The following THSD7A variants were observed in gnomAD, a reference collection of about 807,000 sequenced individuals.
THSD7A encodes the protein thrombospondin type-1 domain-containing protein 7A.
A neutral mutation model predicts 231.3 loss-of-function variants in THSD7A; 96 were observed. That is an observed-to-expected ratio of 0.41 (90% confidence interval 0.35 to 0.49). The LOEUF (loss-of-function observed/expected upper bound fraction) is 0.49, where lower values mean the gene tolerates loss of function less well. THSD7A is among the 20% of genes least tolerant of loss of function. THSD7A has a pLI of 0.05. For missense variants in THSD7A, 2,290 were observed against 2,070.2 expected (o/e 1.11, Z -2.06); for synonymous variants, 940 against 743.3 (o/e 1.26, Z -4.30).
At chr7:11,690,809 C>T (rs1780209090) in intron 1 of THSD7A, among the ~76,000 whole-genome samples, 2 of 151,654 alleles carry the variant, frequency 1.3e-5, no homozygotes. Flanking sequence ...TGATTGTGTT[C>T]AAGTGGTAGG....
chr7:11,649,233 C>T (rs1342996631), intron 1 of THSD7A, among the ~76,000 whole-genome samples: 1 of 151,948 alleles, frequency 6.6e-6, no homozygotes. Context: ...ATGTGAGTGA[C>T]CCATGATCTT....
intron 1 of THSD7A, among the ~76,000 whole-genome samples, chr7:11,647,979 T>C (rs113932674): frequency 4.6e-5 from 7 of 152,236 alleles, no homozygotes; most frequent in African/African-American, 1.7e-4. Context: ...CTGCCTCTAA[T>C]GCAGATGCTG....
intron 1 of THSD7A, among the ~76,000 whole-genome samples, chr7:11,792,098 C>G (rs1436751605): frequency 1.3e-5 from 2 of 151,984 alleles, no homozygotes; most frequent in Non-Finnish European, 2.9e-5. Context: ...GGAACTGTCT[C>G]TTCCTCTCCC....
At position 11,657,372 on chromosome 7, in the gene THSD7A, C is replaced by T. The variant is rs146424163; in HGVS notation, c.191-20411G>A. Reference sequence around the variant, plus strand: ...GAATAGGGAAGGATATAAACAAAAACAGCAAGTACGGGCTGTGTAAATAGG... The same window carrying T: ...GAATAGGGAAGGATATAAACAAAAATAGCAAGTACGGGCTGTGTAAATAGG... On this transcript the variant is annotated intron_variant, in intron 1 of 27. Coordinates refer to ENST00000423059, the MANE Select transcript of THSD7A (RefSeq NM_015204.3). Among the ~76,000 whole-genome samples, 606 of 151,862 alleles carry T rather than the reference C, an allele frequency of 4.0e-3. 1 individual carries two copies. Among genetic ancestry groups the T allele is most frequent in the Non-Finnish European group, 7.4e-3 (502 of 67,818 alleles).
At chr7:11,818,424 A>T (rs1387989181) in intron 1 of THSD7A, among the ~76,000 whole-genome samples, 1 of 152,188 alleles carries the variant, frequency 6.6e-6, no homozygotes, top group Non-Finnish European at 1.5e-5. Context: ...CTTCTGGGTC[A>T]TTGTTTACCT....
chr7:11,421,573 A>G (rs944911175), intron 16 of THSD7A, among the ~76,000 whole-genome samples: 2 of 152,188 alleles, frequency 1.3e-5, no homozygotes, highest in Non-Finnish European at 2.9e-5. Flanking sequence ...TTTGTTTTAC[A>G]AGTAATATAC....
At chr7:11,427,168 C>T (rs1428409659) in intron 14 of THSD7A, among the ~76,000 whole-genome samples, 1 of 152,168 alleles carries the variant, frequency 6.6e-6, no homozygotes, top group Non-Finnish European at 1.5e-5. Flanking sequence ...CAAGCCAATG[C>T]TTCTGATTAT....
At chr7:11,815,674 C>T (rs905196912) in intron 1 of THSD7A, among the ~76,000 whole-genome samples, 2 of 152,056 alleles carry the variant, frequency 1.3e-5, no homozygotes, top group South Asian at 4.1e-4. Context: ...GATGAACAAT[C>T]ATATAAAACT....
chr7:11,404,392 A>G (rs565929861), intron 22 of THSD7A, among the ~76,000 whole-genome samples: 3 of 152,312 alleles, frequency 2.0e-5, no homozygotes, highest in African/African-American at 4.8e-5. Context: ...GTTCTGCTCA[A>G]TGGTGTGAAT....
intron 1 of THSD7A, among the ~76,000 whole-genome samples, chr7:11,759,663 C>G (rs1039015266): frequency 6.6e-6 from 1 of 151,954 alleles, no homozygotes; most frequent in Non-Finnish European, 1.5e-5. Context: ...TACACACACA[C>G]GATTACCTAA....
chr7:11,437,579 G>GA (rs1562608720), intron 13 of THSD7A, among the ~76,000 whole-genome samples: 1 of 152,038 alleles, frequency 6.6e-6, no homozygotes, highest in Non-Finnish European at 1.5e-5. Context: ...ATGAGACACT[G>GA]AAAATCTGAA....
chr7:11,590,504 T>A lies in THSD7A; in HGVS notation c.1409A>T (p.Asn470Ile). The A allele has an allele frequency of 6.2e-7, 1 of 1,613,154 alleles. No individual in the cohort carries two copies. Among genetic ancestry groups the A allele is most frequent in the Non-Finnish European group, 8.5e-7 (1 of 1,179,636 alleles). The change falls in exon 4 of 28, where the codon AAC becomes ATC. Residue 470 changes from asparagine (N) to isoleucine (I), a missense_variant. Physicochemically the swap from Asn to Ile is moderately radical, Grantham distance 149 (BLOSUM62 -3). Coordinates refer to ENST00000423059, the MANE Select transcript of THSD7A (RefSeq NM_015204.3). This position sits in a 1 kb window ranked among gnomAD's most constrained non-coding sequence, Gnocchi z 4.4. Reference sequence around the variant, plus strand: ...ACTTAATTGTGAGAGGAGGTTTTCGTTGGCCTGCACGCAGTACACCTCTCG... The same window carrying A: ...ACTTAATTGTGAGAGGAGGTTTTCGATGGCCTGCACGCAGTACACCTCTCG... ...QTREVYCVQANENLLSQLSTH... is the reference protein window; with the variant it reads ...QTREVYCVQAIENLLSQLSTH...
At chr7:11,713,420 C>T (rs1043296986) in intron 1 of THSD7A, among the ~76,000 whole-genome samples, 1 of 151,194 alleles carries the variant, frequency 6.6e-6, no homozygotes, top group Non-Finnish European at 1.5e-5. Context: ...GACTCCTAAT[C>T]TGTCTGTCAT....
intron 1 of THSD7A, among the ~76,000 whole-genome samples, chr7:11,677,106 T>G (rs1301654492): frequency 6.7e-6 from 1 of 148,716 alleles, no homozygotes; most frequent in Non-Finnish European, 1.5e-5. Flanking sequence ...GAGTGGAGGC[T>G]AACATTCAAC....
chr7:11,513,379 T>C (rs1420140179), intron 6 of THSD7A, among the ~76,000 whole-genome samples: 1 of 151,346 alleles, frequency 6.6e-6, no homozygotes, highest in African/African-American at 2.4e-5. Flanking sequence ...AAAAACAAAT[T>C]AGTCAAATGG....
At position 11,451,487 on chromosome 7, in the gene THSD7A, C is replaced by G. The variant is rs1785141649; in HGVS notation, c.2606-4063G>C. 2.0e-5 allele frequency among the ~76,000 whole-genome samples: 3 copies of G among 151,950 alleles called. No individual in the cohort carries two copies. In the Admixed American group the frequency reaches 2.0e-4, roughly 10 times the overall value. Reference sequence around the variant, plus strand: ...AAGAATAGCAACATGTTAAAAACTGCTGAAGCTGAGTAAATGATGACTACA... The same window carrying G: ...AAGAATAGCAACATGTTAAAAACTGGTGAAGCTGAGTAAATGATGACTACA... On this transcript the variant is annotated intron_variant, in intron 11 of 27. Transcript: ENST00000423059.
intron 1 of THSD7A, among the ~76,000 whole-genome samples, chr7:11,824,467 T>G (rs1422768341): frequency 6.6e-6 from 1 of 152,072 alleles, no homozygotes; most frequent in African/African-American, 2.4e-5. Flanking sequence ...ACAGTAATAA[T>G]GGGCAGAAGA....
chr7:11,719,032 T>C (rs1168042173), intron 1 of THSD7A, among the ~76,000 whole-genome samples: 2 of 151,698 alleles, frequency 1.3e-5, no homozygotes, highest in Non-Finnish European at 2.9e-5. Context: ...GGACTATGTA[T>C]TTTCTCTATA....
intron 4 of THSD7A, among the ~76,000 whole-genome samples, chr7:11,559,047 G>A (rs1360065919): frequency 6.6e-6 from 1 of 152,154 alleles, no homozygotes; most frequent in East Asian, 1.9e-4. Flanking sequence ...TTTGGGGAAA[G>A]AGGCCAGGAG....
Sources: gnomAD v4.1 joint callset for allele counts (sites outside exome capture counted in the v4.1 genomes callset) on GRCh38, gnomAD v4.1.1 for gene constraint, Gnocchi (gnomAD v3.1) non-coding constraint, MANE v1.5 for transcripts, NCBI Gene and HGNC (gene_info 2026-07-23, HGNC 2026-07-21) for gene names.